Variants in DIAPH2 observed in about 807,000 individuals in gnomAD.
DIAPH2 encodes the protein protein diaphanous homolog 2.
In DIAPH2, 35 loss-of-function variants were observed where a neutral mutation model predicts 92.7. The observed-to-expected ratio is 0.38, with a 90% CI of 0.29 to 0.50. The LOEUF (loss-of-function observed/expected upper bound fraction) is 0.50, where lower values mean the gene tolerates loss of function less well. Ranked by LOEUF, DIAPH2 falls within the 20% of genes least tolerant of loss-of-function variation. The pLI, the probability that DIAPH2 is intolerant of heterozygous loss-of-function variation, is 0.94. For synonymous variants in DIAPH2, 301 were observed against 280.4 expected (o/e 1.07, Z -0.73); for missense variants, 701 against 819.5 (o/e 0.86, Z 1.77).
At chrX:96,812,963 A>AGT (rs1264989429) in intron 4 of DIAPH2, among the ~76,000 whole-genome samples, 1 of 111,552 alleles carries the variant, frequency 9.0e-6, no homozygotes, top group African/African-American at 3.3e-5. Flanking sequence ...TTTTGGAATA[A>AGT]GTGTGATGTG....
At chrX:97,005,871 G>C (rs1291401878) in intron 17 of DIAPH2, among the ~76,000 whole-genome samples, 2 of 99,060 alleles carry the variant, frequency 2.0e-5, no homozygotes, top group African/African-American at 7.4e-5. Flanking sequence ...TGCTTTCCTA[G>C]TTCATTAAAA....
At chrX:96,969,594 A>C (rs181554881) in intron 17 of DIAPH2, among the ~76,000 whole-genome samples, 2 of 110,720 alleles carry the variant, frequency 1.8e-5, no homozygotes, top group East Asian at 5.7e-4. Flanking sequence ...TTGTATTTTG[A>C]AACTTTACTG....
intron 23 of DIAPH2, among the ~76,000 whole-genome samples, chrX:97,321,844 C>T (rs752123661): frequency 8.9e-4 from 99 of 111,575 alleles, no homozygotes; most frequent in Non-Finnish European, 1.3e-3. Context: ...CCACCGCGCC[C>T]GGCCATGTAT....
intron 4 of DIAPH2, among the ~76,000 whole-genome samples, chrX:96,795,444 AAACATC>A (rs1483322445): frequency 8.9e-6 from 1 of 111,918 alleles, no homozygotes; most frequent in Non-Finnish European, 1.9e-5. Context: ...AGCATTTCAT[AAACATC>A]ATTTAGATCA....
chrX:96,922,745 CTT>C (rs2065554586), intron 9 of DIAPH2, among the ~76,000 whole-genome samples: 2 of 111,804 alleles, frequency 1.8e-5, no homozygotes, highest in South Asian at 7.4e-4. Flanking sequence ...ATGCTGTAGA[CTT>C]TTAAATGCTC....
chrX:97,255,681 G>T (rs1262032440), intron 23 of DIAPH2, among the ~76,000 whole-genome samples: 1 of 112,033 alleles, frequency 8.9e-6, no homozygotes, highest in Non-Finnish European at 1.9e-5. Context: ...TTTAACAGAA[G>T]AAAGGAGTCT....
chrX:97,050,823 C>G (rs963320213), intron 17 of DIAPH2, among the ~76,000 whole-genome samples: 1 of 111,434 alleles, frequency 9.0e-6, no homozygotes, highest in Non-Finnish European at 1.9e-5. Flanking sequence ...CAATGAATAT[C>G]TATACATTCA....
At chrX:97,106,865 G>A (rs750398689) in intron 20 of DIAPH2, among the ~76,000 whole-genome samples, 5 of 112,238 alleles carry the variant, frequency 4.5e-5, no homozygotes, top group Middle Eastern at 4.6e-3. Context: ...GTGAGAGGCG[G>A]AGGGTGCAGT....
chrX:97,276,040 C>T (rs1469988086), intron 23 of DIAPH2, among the ~76,000 whole-genome samples: 1 of 112,700 alleles, frequency 8.9e-6, no homozygotes, highest in Non-Finnish European at 1.9e-5. Flanking sequence ...CTCGGGAGGC[C>T]GAGGCTGGCA....
chrX:96,837,548 C>G (rs1342074938), intron 4 of DIAPH2, among the ~76,000 whole-genome samples: 1 of 108,717 alleles, frequency 9.2e-6, no homozygotes, highest in Non-Finnish European at 1.9e-5. Context: ...TCAAAAAAAG[C>G]AACTCTTTGA....
intron 23 of DIAPH2, among the ~76,000 whole-genome samples, chrX:97,312,022 G>T (rs747822621): frequency 1.0e-4 from 11 of 110,113 alleles, no homozygotes; most frequent in African/African-American, 3.6e-4. Context: ...TAGAGGCGGG[G>T]TTTCACCATG....
chrX:97,301,944 G>A (rs973720493), intron 23 of DIAPH2, among the ~76,000 whole-genome samples: 24 of 111,421 alleles, frequency 2.2e-4, no homozygotes, highest in Non-Finnish European at 3.9e-4. Flanking sequence ...GCCGAGCACA[G>A]TGGCTCACGC....
At chrX:97,293,788 G>C (rs992680330) in intron 23 of DIAPH2, among the ~76,000 whole-genome samples, 1 of 111,687 alleles carries the variant, frequency 9.0e-6, no homozygotes, top group Non-Finnish European at 1.9e-5. Flanking sequence ...TCTTTTAATA[G>C]TCTTGGTTTC....
chrX:96,824,016 T>G (rs898973871), intron 4 of DIAPH2, among the ~76,000 whole-genome samples: 1 of 109,576 alleles, frequency 9.1e-6, no homozygotes, highest in African/African-American at 3.3e-5. Context: ...AGAAAATAGA[T>G]ATATAAATAT....
At chrX:97,330,113 A>C (rs139919270) in intron 23 of DIAPH2, among the ~76,000 whole-genome samples, 4 of 39,138 alleles carry the variant, frequency 1.0e-4, no homozygotes, top group Admixed American at 3.0e-4. Context: ...GTGTGTGTGT[A>C]TGTGTGTGTA....
intron 9 of DIAPH2, among the ~76,000 whole-genome samples, chrX:96,923,981 G>C (rs948692506): frequency 8.9e-6 from 1 of 112,021 alleles, no homozygotes; most frequent in African/African-American, 3.2e-5. Flanking sequence ...TAGATAAACA[G>C]ATATATGGAA....
chrX:97,351,757 C>T (rs1270134930), intron 24 of DIAPH2, among the ~76,000 whole-genome samples: 1 of 110,739 alleles, frequency 9.0e-6, no homozygotes, highest in East Asian at 2.8e-4. Flanking sequence ...GAGCCAAGAT[C>T]ACGCCACTGT....
chrX:97,223,486 A>G (rs2067942005), intron 22 of DIAPH2, among the ~76,000 whole-genome samples: 1 of 111,433 alleles, frequency 9.0e-6, no homozygotes, highest in Admixed American at 9.6e-5. Flanking sequence ...TTAAATTCAA[A>G]CATTTTTAAT....
Position 96,791,487 on chromosome X carries a change from A to G in DIAPH2, c.447+33229A>G, listed in dbSNP as rs1281387645. ...CAGGAATTGGAGGCTGCAGGGAGCT[A>G]TGATCATGCCACTGTCCCCCAGCTT... On this transcript the variant is annotated intron_variant, in intron 4 of 26. Coordinates refer to ENST00000324765, the MANE Select transcript of DIAPH2 (RefSeq NM_006729.5). Among the ~76,000 whole-genome samples, 4 of 107,807 alleles carry G rather than the reference A, an allele frequency of 3.7e-5. No homozygotes were observed. In the South Asian group the frequency reaches 1.7e-3, roughly 46 times the overall value. 93.6% of individuals were successfully genotyped at this position (107,807 alleles called of 115,157 possible).
Sources: gnomAD v4.1 joint callset for allele counts (sites outside exome capture counted in the v4.1 genomes callset) on GRCh38, gnomAD v4.1.1 for gene constraint, MANE v1.5 for transcripts, NCBI Gene and HGNC (gene_info 2026-07-23, HGNC 2026-07-21) for gene names.